Variants in AIMP2 observed in about 807,000 individuals in gnomAD.
AIMP2 encodes aminoacyl tRNA synthetase complex interacting multifunctional protein 2.
Under a neutral mutation model 23.4 loss-of-function variants are expected in AIMP2, and 20 were observed. That is an observed-to-expected ratio of 0.85 (90% CI 0.60 to 1.24). The LOEUF (loss-of-function observed/expected upper bound fraction) is 1.24. Ranked by LOEUF, AIMP2 falls within the 50% of genes most tolerant of loss-of-function variation. AIMP2 has a pLI of 0.00. For missense variants in AIMP2, 515 were observed against 414.5 expected (o/e 1.24, Z -2.10); for synonymous variants, 210 against 170.4 (o/e 1.23, Z -1.81).
At position 6,009,479 on chromosome 7, in the gene AIMP2, C is replaced by A. The variant is rs911581824; in HGVS notation, c.116C>A (p.Pro39Gln). Residue 39 changes from proline to glutamine, a missense_variant, in exon 1 of 4, where the codon CCG becomes CAG. Transcript: ENST00000223029. ...CACGGCAGGAGCTACGGCCCAGCGCCGGGCGCTGGCCACGTGCAGGTAGGA... is the reference window on the plus strand; with the variant it reads ...CACGGCAGGAGCTACGGCCCAGCGCAGGGCGCTGGCCACGTGCAGGTAGGA... Reference protein sequence around the residue: ...NVHGRSYGPAPGAGHVQEESN... With the variant: ...NVHGRSYGPAQGAGHVQEESN... The A allele has an allele frequency of 1.5e-5, 24 of 1,579,050 alleles. No homozygotes were observed. Among genetic ancestry groups the A allele is most frequent in the Non-Finnish European group, 2.1e-5 (24 of 1,167,012 alleles).
chr7:6,012,874 A>T, intron 1 of AIMP2: 1 of 992,492 alleles, frequency 1.0e-6, no homozygotes, highest in Non-Finnish European at 1.2e-6. Context: ...TTTAATTGGC[A>T]TACTGAACTC....
intron 1 of AIMP2, 26 bp downstream of exon 1, chr7:6,009,524 G>A: frequency 4.9e-6 from 7 of 1,431,962 alleles, no homozygotes; most frequent in Non-Finnish European, 6.4e-6. Context: ...CCCCCGCCCA[G>A]TGCGCACGCG....
intron 1 of AIMP2, among the ~76,000 whole-genome samples, chr7:6,012,210 G>A (rs1172107225): frequency 6.6e-6 from 1 of 150,836 alleles, no homozygotes; most frequent in Admixed American, 6.6e-5. Context: ...CTGTGATCCT[G>A]CCACTGGACT....
chr7:6,019,235 CTT>C (rs1320004898), intron 3 of AIMP2, among the ~76,000 whole-genome samples: 1 of 151,410 alleles, frequency 6.6e-6, no homozygotes, highest in Non-Finnish European at 1.5e-5. Context: ...AAAGTGACCT[CTT>C]GGGAGGCCGA....
rs372295850 is a variant in AIMP2, at chr7:6,015,318, C to T, written c.308C>T (p.Thr103Ile). ...IQADEPTTLT[T>I]NALDLNSVLG... ...GCGGATGAGCCCACGACTTTAACCA[C>T]CAATGCGCTGGACTTGAATTCAGTG... Residue 103 changes from threonine (T) to isoleucine (I), a missense_variant, in exon 2 of 4, where the codon ACC (threonine) becomes ATC (isoleucine). Thr to Ile is a moderately conservative substitution (Grantham distance 89). Coordinates refer to ENST00000223029, the MANE Select transcript of AIMP2 (RefSeq NM_006303.4). 4.3e-5 allele frequency: 70 copies of T among 1,614,062 alleles called. No homozygotes were observed. Among genetic ancestry groups the T allele is most frequent in the Non-Finnish European group, 5.8e-5 (68 of 1,180,044 alleles).
intron 2 of AIMP2, 52 bp downstream of exon 2, chr7:6,015,404 A>C: frequency 6.3e-7 from 1 of 1,581,028 alleles, no homozygotes; most frequent in Non-Finnish European, 8.7e-7. Context: ...TGGTTAGTGC[A>C]GGGAAATTGT....
chr7:6,015,183 G>A lies in AIMP2; in HGVS notation c.173G>A (p.Arg58His), dbSNP rs190724823. 3.7e-5 allele frequency: 59 copies of A among 1,614,052 alleles called. No individual in the cohort carries two copies. The African/African-American group carries it at 4.4e-4, about 12-fold the overall frequency. Residue 58 changes from arginine to histidine, a missense_variant, in exon 2 of 4, where the codon CGC becomes CAC. Arg to His is a conservative substitution (Grantham distance 29). Coordinates refer to ENST00000223029, the MANE Select transcript of AIMP2 (RefSeq NM_006303.4). ...SNLSLQALES[R>H]QDDILKRLYE... ...CTGTCTCTGCAAGCTCTTGAGTCCC[G>A]CCAAGATGATATTTTAAAACGTCTG... is the stretch of plus-strand genomic sequence containing the variant.
At chr7:6,021,197 G>A (rs1787383338) in intron 3 of AIMP2, among the ~76,000 whole-genome samples, 1 of 152,014 alleles carries the variant, frequency 6.6e-6, no homozygotes, top group Non-Finnish European at 1.5e-5. Context: ...AGAGAACCCT[G>A]GCTGGGCATG....
chr7:6,010,480 C>T (rs1460601141), intron 1 of AIMP2, among the ~76,000 whole-genome samples: 2 of 151,470 alleles, frequency 1.3e-5, no homozygotes, highest in Non-Finnish European at 2.9e-5. Context: ...GATGGAGTCT[C>T]ACTCTATCAC....
At position 6,023,446 on chromosome 7, in the gene AIMP2, G is replaced by A. The variant is rs1437317399; in HGVS notation, c.718G>A (p.Ala240Thr). 1.2e-6 allele frequency: 2 copies of A among 1,614,170 alleles called. No homozygotes were observed. The highest frequency in any genetic ancestry group is 1.7e-6 in the Non-Finnish European group (2 of 1,180,004). ...ATLIDSWVDI[A>T]IFQLKEGSSK... ...CCTTATAGATAGCTGGGTAGATATT[G>A]CGATTTTTCAGTTAAAAGAGGGAAG... Residue 240 changes from alanine (A) to threonine (T), a missense_variant, in exon 4 of 4, where the codon GCG becomes ACG. Physicochemically the swap from Ala to Thr is moderately conservative, Grantham distance 58 (BLOSUM62 0). Coordinates refer to ENST00000223029, the MANE Select transcript of AIMP2 (RefSeq NM_006303.4).
In AIMP2 at chr7:6,017,840, G is replaced by A; in HGVS notation, c.369G>A (p.Val123=). 3 of 1,613,996 alleles carry A rather than the reference G, an allele frequency of 1.9e-6. No individual in the cohort carries two copies. ...GKDYGALKDI[V]INANPASPPL... is the part of the protein sequence containing the mutation. ...ATTACGGGGCGCTGAAAGACATCGT[G>A]ATCAACGCAAACCCGGCCTCCCCTC... is the stretch of plus-strand genomic sequence containing the variant. Residue 123 remains valine, a synonymous_variant, in exon 3 of 4, where the codon GTG becomes GTA. Transcript: ENST00000223029.
At chr7:6,018,991 A>ACACACACACAC in intron 3 of AIMP2, among the ~76,000 whole-genome samples, 1 of 145,932 alleles carries the variant, frequency 6.9e-6, no homozygotes, top group Non-Finnish European at 1.5e-5. Flanking sequence ...ACACACACAC[A>ACACACACACAC]ATACATGGCA....
In AIMP2 at chr7:6,009,273, G is replaced by A. The variant is rs1786324603; in HGVS notation, c.-91G>A. On this transcript the variant is annotated 5_prime_UTR_variant, in exon 1 of 4. Coordinates refer to ENST00000223029, the MANE Select transcript of AIMP2 (RefSeq NM_006303.4). ...TTCCCGAACGCCCGCAGCAGGGTCA[G>A]AAGGGAGGTGGCCGGTCTCCGTCGT... 4 of 1,602,408 alleles carry A rather than the reference G, an allele frequency of 2.5e-6. No individual in the cohort carries two copies. The highest frequency in any genetic ancestry group is 3.4e-5 in the Admixed American group (2 of 59,630).
At chr7:6,019,907 A>T (rs1244142523) in intron 3 of AIMP2, among the ~76,000 whole-genome samples, 6 of 151,810 alleles carry the variant, frequency 4.0e-5, no homozygotes, top group Non-Finnish European at 8.8e-5. Context: ...CTGTAGTCCC[A>T]GCTACTTGGA....
chr7:6,018,907 ATTAT>A (rs1015262810), intron 3 of AIMP2, among the ~76,000 whole-genome samples: 6 of 152,054 alleles, frequency 3.9e-5, no homozygotes, highest in Admixed American at 3.9e-4. Context: ...ATACTAGTCT[ATTAT>A]TTACATACAC....
chr7:6,011,948 A>G (rs1057160473), intron 1 of AIMP2, among the ~76,000 whole-genome samples: 16 of 152,206 alleles, frequency 1.1e-4, no homozygotes, highest in African/African-American at 3.9e-4. Context: ...AATGCGGACA[A>G]ATAATTAGCC....
At position 6,009,949 on chromosome 7, in the gene AIMP2, C is replaced by CAA. The variant is rs1156596688; in HGVS notation, c.135+476_135+477dup. On this transcript the variant is annotated intron_variant, in intron 1 of 3. Transcript: ENST00000223029. ...GGGCAACAAGAGCTAAACTCTATCT[C>CAA]AAAAAAAAAAAAAAAAAAAAAAAAA... Among the ~76,000 whole-genome samples the CAA allele has an allele frequency of 3.7e-3, 83 of 22,456 alleles. 10 individuals carry two copies. Among genetic ancestry groups the CAA allele is most frequent in the East Asian group, 8.3e-3 (2 of 240 alleles). The allele number at this position is 22,456 out of a possible 152,430, so 14.7% of individuals were successfully genotyped here.
intron 3 of AIMP2, 101 bp downstream of exon 3, chr7:6,018,146 CTT>C (rs371698854): frequency 0.4 from 232,345 of 580,460 alleles, 13,566 homozygotes; most frequent in East Asian, 0.47. Context: ...TTTTCTTTTT[CTT>C]TTTTTTTTTT....
At chr7:6,014,058 C>T (rs970855426) in intron 1 of AIMP2, among the ~76,000 whole-genome samples, 1 of 152,020 alleles carries the variant, frequency 6.6e-6, no homozygotes, top group Non-Finnish European at 1.5e-5. Flanking sequence ...TTCCCTTTTC[C>T]CTATTTGTAT....
Sources: gnomAD v4.1 joint callset for allele counts (sites outside exome capture counted in the v4.1 genomes callset) on GRCh38, gnomAD v4.1.1 for gene constraint, MANE v1.5 for transcripts, NCBI Gene and HGNC (gene_info 2026-07-23, HGNC 2026-07-21) for gene names.